OSTM1: variants seen among roughly 807,000 people sequenced by gnomAD.
OSTM1 encodes the protein osteopetrosis-associated transmembrane protein 1.
A neutral mutation model predicts 35.4 loss-of-function variants in OSTM1; 26 were observed. The observed-to-expected ratio is 0.73, with a 90% CI of 0.54 to 1.02. The LOEUF is 1.02. Among genes scored for constraint, OSTM1 ranks in the 50% least tolerant of loss-of-function variants. OSTM1 has a pLI of 0.00. For missense variants in OSTM1, 366 were observed against 409.6 expected (o/e 0.89, Z 0.92); for synonymous variants, 181 against 165.0 (o/e 1.10, Z -0.75).
chr6:108,049,439 A>G, intron 4 of OSTM1, 21 bp from the exon 5 acceptor site: 1 of 1,610,790 alleles, frequency 6.2e-7, no homozygotes, highest in Non-Finnish European at 8.5e-7. Context: ...AGCAAACAAT[A>G]TCTTTCTATT....
At chr6:108,069,408 A>G (rs927239128) in intron 1 of OSTM1, among the ~76,000 whole-genome samples, 1 of 152,238 alleles carries the variant, frequency 6.6e-6, no homozygotes, top group African/African-American at 2.4e-5. Flanking sequence ...AATCTACAGT[A>G]AAAGTATATT....
intron 5 of OSTM1, among the ~76,000 whole-genome samples, chr6:108,045,809 C>G (rs1771958070): frequency 6.6e-6 from 1 of 152,024 alleles, no homozygotes; most frequent in South Asian, 2.1e-4. Context: ...CAATCATGCC[C>G]ATAGTGAGAG....
chr6:108,057,875 G>A (rs984272534), intron 2 of OSTM1, among the ~76,000 whole-genome samples: 5 of 152,038 alleles, frequency 3.3e-5, no homozygotes, highest in Admixed American at 2.0e-4. Flanking sequence ...GTATGTTTTA[G>A]AAATTGGTGA....
intron 2 of OSTM1, among the ~76,000 whole-genome samples, chr6:108,055,319 CTT>C (rs111413418): frequency 1.3e-5 from 2 of 148,212 alleles, no homozygotes; most frequent in East Asian, 2.0e-4. Context: ...ATCTATTCTT[CTT>C]TTTTTTTTTA....
At chr6:108,065,551 T>G (rs1772362463) in intron 1 of OSTM1, among the ~76,000 whole-genome samples, 1 of 152,132 alleles carries the variant, frequency 6.6e-6, no homozygotes, top group South Asian at 2.1e-4. Flanking sequence ...TATCACTTCT[T>G]AAGTAGAAGT....
intron 2 of OSTM1, among the ~76,000 whole-genome samples, chr6:108,055,948 T>C (rs1029305678): frequency 2.0e-5 from 3 of 152,144 alleles, no homozygotes; most frequent in Admixed American, 1.3e-4. Context: ...GGCCATCAGA[T>C]AGGATCTCTC....
chr6:108,045,389 C>A (rs1479927853), intron 5 of OSTM1, among the ~76,000 whole-genome samples: 1 of 150,120 alleles, frequency 6.7e-6, no homozygotes, highest in Non-Finnish European at 1.5e-5. Context: ...TTATCACCAG[C>A]GCAACAAGGC....
intron 1 of OSTM1, among the ~76,000 whole-genome samples, chr6:108,070,507 T>A (rs1264665377): frequency 6.6e-6 from 1 of 152,218 alleles, no homozygotes; most frequent in African/African-American, 2.4e-5. Flanking sequence ...TTCCTTCTTA[T>A]CCTTTTACCA....
Position 108,074,677 on chromosome 6 carries a change from C to G in OSTM1, c.-26G>C. On this transcript the variant is annotated 5_prime_UTR_variant, in exon 1 of 6. Transcript: ENST00000193322. The stretch of plus-strand genomic sequence containing the variant: ...CACCGGGCTCACACACCCCAGGGAG[C>G]CCACCGCCGCCTCTCCGCCCCCAGC... 6.6e-7 allele frequency: 1 copy of G among 1,509,522 alleles called. No homozygotes were observed. Among genetic ancestry groups the G allele is most frequent in the African/African-American group, 1.4e-5 (1 of 70,310 alleles). The allele number at this position is 1,509,522 out of a possible 1,614,324, so 93.5% of individuals were successfully genotyped here.
chr6:108,054,284 T>C (rs1419446211), intron 3 of OSTM1, among the ~76,000 whole-genome samples: 5 of 152,206 alleles, frequency 3.3e-5, no homozygotes, highest in Admixed American at 3.3e-4. Flanking sequence ...AGGATAGATA[T>C]TATCTCCATT....
Position 108,044,430 on chromosome 6 carries a change from T to C in OSTM1, c.*355A>G, listed in dbSNP as rs61491262. On this transcript the variant is annotated 3_prime_UTR_variant, in exon 6 of 6. Coordinates refer to ENST00000193322, the MANE Select transcript of OSTM1 (RefSeq NM_014028.4). ...CTGATTAATTTTTAAATGTTAGTTTTCAAAAACTTTTCTACTTGAGATATT... is the reference window on the plus strand; with the variant it reads ...CTGATTAATTTTTAAATGTTAGTTTCCAAAAACTTTTCTACTTGAGATATT... The C allele has an allele frequency of 5.4e-3, 909 of 168,112 alleles. 10 individuals carry two copies. Among genetic ancestry groups the C allele is most frequent in the African/African-American group, 0.021 (882 of 42,074 alleles). 10.4% of individuals were successfully genotyped at this position (168,112 alleles called of 1,614,324 possible).
intron 2 of OSTM1, among the ~76,000 whole-genome samples, chr6:108,054,799 T>C (rs1448682090): frequency 6.6e-6 from 1 of 152,252 alleles, no homozygotes; most frequent in Non-Finnish European, 1.5e-5. Flanking sequence ...AATAATCACA[T>C]ACTCTCTTTT....
At chr6:108,070,290 C>T (rs1284873041) in intron 1 of OSTM1, among the ~76,000 whole-genome samples, 1 of 152,148 alleles carries the variant, frequency 6.6e-6, no homozygotes, top group Non-Finnish European at 1.5e-5. Flanking sequence ...CCACCTGCCT[C>T]GGCTTCCCAA....
intron 2 of OSTM1, among the ~76,000 whole-genome samples, chr6:108,056,125 G>A (rs186315550): frequency 8.2e-4 from 125 of 152,266 alleles, no homozygotes; most frequent in African/African-American, 2.7e-3. Flanking sequence ...TTACTACAAC[G>A]AAAGTTAACA....
At chr6:108,059,318 T>C (rs2088637834) in intron 2 of OSTM1, among the ~76,000 whole-genome samples, 1 of 152,346 alleles carries the variant, frequency 6.6e-6, no homozygotes, top group East Asian at 1.9e-4. Flanking sequence ...TTCCATGTTA[T>C]TTGTAGTATG....
At chr6:108,065,051 G>T (rs752977697) in intron 1 of OSTM1, among the ~76,000 whole-genome samples, 2 of 151,426 alleles carry the variant, frequency 1.3e-5, no homozygotes, top group Non-Finnish European at 1.5e-5. Flanking sequence ...TAGAGACGGG[G>T]TTTCACTATG....
At chr6:108,065,365 G>A (rs537185413) in intron 1 of OSTM1, among the ~76,000 whole-genome samples, 4 of 146,288 alleles carry the variant, frequency 2.7e-5, no homozygotes, top group African/African-American at 1.0e-4. Flanking sequence ...TTAGCCGCCC[G>A]AGCAGCTGGG....
intron 2 of OSTM1, among the ~76,000 whole-genome samples, chr6:108,058,918 G>A (rs940794985): frequency 2.0e-5 from 3 of 152,110 alleles, no homozygotes; most frequent in Non-Finnish European, 4.4e-5. Flanking sequence ...AATATACATC[G>A]GGATTACACA....
At chr6:108,058,732 C>T (rs1049204783) in intron 2 of OSTM1, among the ~76,000 whole-genome samples, 4 of 151,828 alleles carry the variant, frequency 2.6e-5, no homozygotes, top group East Asian at 3.9e-4. Flanking sequence ...GAACTGAGAT[C>T]GCACCACTGC....
Sources: gnomAD v4.1 joint callset for allele counts (sites outside exome capture counted in the v4.1 genomes callset) on GRCh38, gnomAD v4.1.1 for gene constraint, MANE v1.5 for transcripts, NCBI Gene and HGNC (gene_info 2026-07-23, HGNC 2026-07-21) for gene names.